NLGN4X: variants seen among roughly 807,000 people sequenced by gnomAD.
The protein encoded by NLGN4X is neuroligin-4, X-linked.
A neutral mutation model predicts 40.3 loss-of-function variants in NLGN4X; 3 were observed. The observed-to-expected ratio is 0.07, with a 90% CI of 0.03 to 0.19. The LOEUF (loss-of-function observed/expected upper bound fraction) is 0.19. NLGN4X is among the 10% of genes least tolerant of loss of function. The pLI is 1.00. For missense variants in NLGN4X, 382 were observed against 708.3 expected, an observed-to-expected ratio of 0.54 and a Z score of 5.23; for synonymous variants, 270 against 306.8, an observed-to-expected ratio of 0.88 and a Z score of 1.25.
At chrX:6,054,622 AT>A (rs1239720665) in intron 2 of NLGN4X, among the ~76,000 whole-genome samples, 3 of 110,953 alleles carry the variant, frequency 2.7e-5, no homozygotes, top group Admixed American at 9.7e-5. Context: ...CTCTAAAAAA[AT>A]AATAATAAAT....
chrX:6,108,196 T>C (rs1230516063), intron 2 of NLGN4X, among the ~76,000 whole-genome samples: 10 of 112,291 alleles, frequency 8.9e-5, no homozygotes, highest in Admixed American at 6.7e-4. Context: ...CTTTTGAATG[T>C]GACAGGTGTG....
intron 3 of NLGN4X, among the ~76,000 whole-genome samples, chrX:5,968,727 C>T (rs979267274): frequency 3.7e-5 from 4 of 107,901 alleles, no homozygotes; most frequent in African/African-American, 1.0e-4. Flanking sequence ...TGAGTCTTGA[C>T]TTAACAGAAT....
intron 3 of NLGN4X, among the ~76,000 whole-genome samples, chrX:5,999,989 C>A (rs932245918): frequency 8.9e-6 from 1 of 112,375 alleles, no homozygotes; most frequent in Non-Finnish European, 1.9e-5. Flanking sequence ...GTGGACAAAT[C>A]TGAATCAGCC....
intron 1 of NLGN4X, among the ~76,000 whole-genome samples, chrX:6,213,788 T>C (rs755135606): frequency 1.8e-5 from 2 of 112,135 alleles, no homozygotes; most frequent in East Asian, 5.6e-4. Flanking sequence ...TTCCACCAAA[T>C]GGAATAATCA....
At chrX:6,194,395 C>T (rs1602401734) in intron 1 of NLGN4X, among the ~76,000 whole-genome samples, 1 of 111,580 alleles carries the variant, frequency 9.0e-6, no homozygotes, top group African/African-American at 3.3e-5. Flanking sequence ...CCTCCTTCTA[C>T]TTTTAAGCAA....
Position 5,909,039 on chromosome X carries a change from G to A in NLGN4X, c.811+15C>T, listed in dbSNP as rs2032347983. On this transcript the variant is annotated intron_variant, in intron 4 of 5. Coordinates refer to ENST00000381095, the MANE Select transcript of NLGN4X (RefSeq NM_181332.3). ...CAGGGTATTTGCCCGCCCACCCTGGGGGTGCCATTATTACCTTCTGAGTAG... is the reference window on the plus strand; with the variant it reads ...CAGGGTATTTGCCCGCCCACCCTGGAGGTGCCATTATTACCTTCTGAGTAG... 2 of 1,210,582 alleles carry A rather than the reference G, an allele frequency of 1.7e-6. No individual in the cohort carries two copies. Among genetic ancestry groups the A allele is most frequent in the Middle Eastern group, 2.3e-4 (1 of 4,350 alleles).
At chrX:5,999,961 G>C (rs1363579817) in intron 3 of NLGN4X, among the ~76,000 whole-genome samples, 1 of 112,559 alleles carries the variant, frequency 8.9e-6, no homozygotes, top group South Asian at 3.6e-4. Flanking sequence ...ATCAGAATCA[G>C]AGAACAAATA....
intron 2 of NLGN4X, among the ~76,000 whole-genome samples, chrX:6,116,031 T>C (rs780499808): frequency 9.1e-5 from 10 of 109,737 alleles, no homozygotes; most frequent in Middle Eastern, 4.7e-3. Context: ...CGGTGGCTCA[T>C]GTCTGTAATC....
intron 3 of NLGN4X, among the ~76,000 whole-genome samples, chrX:6,028,205 A>G (rs1156625432): frequency 8.9e-6 from 1 of 111,922 alleles, no homozygotes; most frequent in African/African-American, 3.2e-5. Flanking sequence ...TAAAAACTTT[A>G]TCTTCTATAC....
chrX:6,077,508 C>T (rs1269596501), intron 2 of NLGN4X, among the ~76,000 whole-genome samples: 2 of 110,121 alleles, frequency 1.8e-5, no homozygotes, highest in South Asian at 7.8e-4. Flanking sequence ...AGGCTGGTCT[C>T]GAACTCCTGG....
chrX:6,217,613 AT>A lies in NLGN4X; in HGVS notation c.-306+10927del, dbSNP rs1240478604. ...TACCATGAACCTAGATTGTCAGAAG[AT>A]TTTTTTTTTGAGGTATTGATTCCCT... On this transcript the variant is annotated intron_variant, in intron 1 of 5. Transcript: ENST00000381095. Among the ~76,000 whole-genome samples the A allele has an allele frequency of 1.6e-3, 178 of 108,894 alleles. 3 individuals are homozygous for A. The highest frequency in any genetic ancestry group is 5.4e-3 in the African/African-American group (161 of 30,011). The allele number at this position is 108,894 out of a possible 115,157, so 94.6% of individuals were successfully genotyped here.
At chrX:6,139,643 T>C (rs2039898993) in intron 2 of NLGN4X, among the ~76,000 whole-genome samples, 1 of 111,829 alleles carries the variant, frequency 8.9e-6, no homozygotes, top group Non-Finnish European at 1.9e-5. Context: ...AAACATCCAC[T>C]TTCAGATTTG....
At chrX:6,068,891 T>C (rs1256658358) in intron 2 of NLGN4X, among the ~76,000 whole-genome samples, 1 of 112,509 alleles carries the variant, frequency 8.9e-6, no homozygotes, top group African/African-American at 3.2e-5. Context: ...TAACAAAGAA[T>C]ACCTTATGAG....
intron 2 of NLGN4X, among the ~76,000 whole-genome samples, chrX:6,066,297 G>A (rs1317081880): frequency 8.9e-6 from 1 of 112,118 alleles, no homozygotes; most frequent in Non-Finnish European, 1.9e-5. Flanking sequence ...ATGTTAGCAT[G>A]TTACCTCATC....
At chrX:6,135,439 G>C (rs996560582) in intron 2 of NLGN4X, among the ~76,000 whole-genome samples, 1 of 111,769 alleles carries the variant, frequency 8.9e-6, no homozygotes, top group Non-Finnish European at 1.9e-5. Flanking sequence ...CCATGAAGCA[G>C]CCATGCCATT....
chrX:5,914,166 C>T (rs1240036549), intron 3 of NLGN4X, among the ~76,000 whole-genome samples: 8 of 112,131 alleles, frequency 7.1e-5, no homozygotes, highest in African/African-American at 9.7e-5. Context: ...ATAGGAATCA[C>T]AGTTTTTCCT....
intron 1 of NLGN4X, among the ~76,000 whole-genome samples, chrX:6,195,833 G>A (rs986426529): frequency 9.0e-6 from 1 of 110,510 alleles, no homozygotes. Flanking sequence ...CTTTTACCCA[G>A]GCTGGAATTC....
At chrX:5,937,116 C>T (rs1019004342) in intron 3 of NLGN4X, among the ~76,000 whole-genome samples, 25 of 110,327 alleles carry the variant, frequency 2.3e-4, no homozygotes, top group Non-Finnish European at 7.6e-5. Flanking sequence ...CACTCTGTTG[C>T]CCAGGCTGGA....
intron 3 of NLGN4X, among the ~76,000 whole-genome samples, chrX:5,947,886 C>T (rs934942562): frequency 1.8e-5 from 2 of 111,938 alleles, no homozygotes; most frequent in African/African-American, 6.5e-5. Flanking sequence ...AAATGTATGT[C>T]TCATCCTTAA....
Sources: allele counts gnomAD v4.1 joint callset (sites outside exome capture counted in the v4.1 genomes callset), GRCh38; gene constraint gnomAD v4.1.1; transcripts MANE v1.5; gene names NCBI Gene and HGNC (gene_info 2026-07-23, HGNC 2026-07-21).